The following GABPB2 variants were observed in gnomAD, a reference collection of about 807,000 sequenced individuals.
GABPB2 encodes the protein GA binding protein transcription factor subunit beta 2, also known as GA-binding protein subunit beta-2.
GABPB2 carries 23 observed loss-of-function variants against 39.1 expected under a neutral mutation model. The ratio of observed to expected loss-of-function variants is 0.59; its 90% CI spans 0.42 to 0.83. The LOEUF is 0.83. GABPB2 is among the 40% of genes least tolerant of loss of function. The pLI, the probability that GABPB2 is intolerant of heterozygous loss-of-function variation, is 0.00. For missense variants in GABPB2, 467 were observed against 541.1 expected (o/e 0.86, Z 1.36); for synonymous variants, 184 against 199.3 (o/e 0.92, Z 0.65).
chr1:151,112,773 ATTT>A (rs903752893), intron 7 of GABPB2: 3 of 158,564 alleles, frequency 1.9e-5, no homozygotes, highest in African/African-American at 7.4e-5. Context: ...GAGCTCCCGA[ATTT>A]TTTTTTTCTT....
chr1:151,109,319 C>CACAAATATATATAT (rs1680202623), intron 7 of GABPB2, among the ~76,000 whole-genome samples: 7 of 52,174 alleles, frequency 1.3e-4, no homozygotes, highest in African/African-American at 4.2e-4. Context: ...TATATATATA[C>CACAAATATATATAT]ACACAAATAT....
At position 151,103,599 on chromosome 1, in the gene GABPB2, T is replaced by C; in HGVS notation, c.660T>C (p.Ser220=). 1.2e-6 allele frequency: 2 copies of C among 1,614,166 alleles called. No individual in the cohort carries two copies. Among genetic ancestry groups the C allele is most frequent in the Non-Finnish European group, 1.7e-6 (2 of 1,180,008 alleles). The change falls in exon 6 of 9, where the codon TCT becomes TCC. Residue 220 remains serine, a synonymous_variant. Coordinates refer to ENST00000368918, the MANE Select transcript of GABPB2 (RefSeq NM_144618.3). ...PHASTVQFSN[S]TTSVLATLAA... is the part of the protein sequence containing the mutation. ...CCTCAACAGTACAGTTTTCAAATTC[T>C]ACCACCTCAGTGCTGGCTACCCTTG...
rs587745896 is a variant in GABPB2, at chr1:151,105,422, A to G, written c.737-1615A>G. Reference sequence around the variant, plus strand: ...TATCAAATGTATATCAAATATATATACAAATATATATATCAAATATATATA... The same window carrying G: ...TATCAAATGTATATCAAATATATATGCAAATATATATATCAAATATATATA... On this transcript the variant is annotated intron_variant, in intron 6 of 8. Coordinates refer to ENST00000368918, the MANE Select transcript of GABPB2 (RefSeq NM_144618.3). Among the ~76,000 whole-genome samples the G allele has an allele frequency of 2.7e-5, 4 of 148,582 alleles. No homozygotes were observed. The East Asian group carries it at 5.8e-4, about 22-fold the overall frequency.
intron 7 of GABPB2, among the ~76,000 whole-genome samples, chr1:151,109,812 G>C (rs1479581076): frequency 6.6e-6 from 1 of 151,426 alleles, no homozygotes; most frequent in Non-Finnish European, 1.5e-5. Context: ...TGGGACTACA[G>C]GCATGCACCA....
intron 1 of GABPB2, among the ~76,000 whole-genome samples, chr1:151,076,291 T>C (rs1426341541): frequency 1.3e-5 from 2 of 152,188 alleles, no homozygotes; most frequent in Admixed American, 1.3e-4. Flanking sequence ...ATTAGAATAT[T>C]GATCCAGATT....
intron 7 of GABPB2, among the ~76,000 whole-genome samples, chr1:151,107,805 G>A (rs150543320): frequency 2.6e-5 from 4 of 151,958 alleles, no homozygotes; most frequent in Non-Finnish European, 4.4e-5. Flanking sequence ...GCATGGTGGC[G>A]CACGCCTATA....
chr1:151,076,858 A>G (rs1677211306), intron 1 of GABPB2, among the ~76,000 whole-genome samples: 2 of 149,732 alleles, frequency 1.3e-5, no homozygotes, highest in South Asian at 2.1e-4. Context: ...CAGTGGCGCA[A>G]TCTCGGCTCA....
At chr1:151,093,434 G>A in intron 4 of GABPB2, 48 bp downstream of exon 4, 2 of 1,434,590 alleles carry the variant, frequency 1.4e-6, no homozygotes, top group Non-Finnish European at 1.9e-6. Flanking sequence ...TTGAAGTTAA[G>A]GATTTTTTTG....
chr1:151,107,012 T>G lies in GABPB2; in HGVS notation c.737-25T>G. ...CCTATGTTTTTAAAAAGCTGAAATTTTAAATTTGCTTTTGTCATCTCTAGC... is the reference window on the plus strand; with the variant it reads ...CCTATGTTTTTAAAAAGCTGAAATTGTAAATTTGCTTTTGTCATCTCTAGC... On this transcript the variant is annotated intron_variant, in intron 6 of 8. Coordinates refer to ENST00000368918, the MANE Select transcript of GABPB2 (RefSeq NM_144618.3). 1.3e-6 allele frequency: 2 copies of G among 1,537,408 alleles called. 1 individual carries two copies. The highest frequency in any genetic ancestry group is 3.5e-4 in the Middle Eastern group (2 of 5,746).
chr1:151,107,018 T>G lies in GABPB2; in HGVS notation c.737-19T>G. On this transcript the variant is annotated intron_variant, in intron 6 of 8. Transcript: ENST00000368918. ...TTTTTAAAAAGCTGAAATTTTAAAT[T>G]TGCTTTTGTCATCTCTAGCCAATAC... The G allele has an allele frequency of 6.5e-7, 1 of 1,546,310 alleles. No individual in the cohort carries two copies. The highest frequency in any genetic ancestry group is 1.7e-4 in the Middle Eastern group (1 of 5,772).
At chr1:151,101,745 A>C (rs971508495) in intron 5 of GABPB2, among the ~76,000 whole-genome samples, 2 of 152,160 alleles carry the variant, frequency 1.3e-5, no homozygotes, top group Admixed American at 6.6e-5. Flanking sequence ...GTAGATTCGG[A>C]ACTGAGAGGC....
At position 151,117,404 on chromosome 1, in the gene GABPB2, C is replaced by G. The variant is rs201724065; in HGVS notation, c.935C>G (p.Pro312Arg). 5 of 1,613,728 alleles carry G rather than the reference C, an allele frequency of 3.1e-6. No individual in the cohort carries two copies. The East Asian group carries it at 6.7e-5, about 22-fold the overall frequency. ...CTTTGACTTGTAGTTCTAACTGTAC[C>G]TGCTGGTAAGGTTGCAGAGGAGACT... Reference protein sequence around the residue: ...VQDGQQVLTVPAGKVAEETVI... With the variant: ...VQDGQQVLTVRAGKVAEETVI... Residue 312 changes from proline to arginine, a missense_variant, in exon 8 of 9, where the codon CCT (proline) becomes CGT (arginine). Coordinates refer to ENST00000368918, the MANE Select transcript of GABPB2 (RefSeq NM_144618.3).
chr1:151,097,598 A>C (rs1679188693), intron 4 of GABPB2, among the ~76,000 whole-genome samples: 2 of 151,994 alleles, frequency 1.3e-5, no homozygotes, highest in African/African-American at 4.8e-5. Flanking sequence ...CTTGGGCAAC[A>C]TGGCAAAACC....
At position 151,098,001 on chromosome 1, in the gene GABPB2, A is replaced by G. The variant is rs368996122; in HGVS notation, c.621A>G (p.Ser207=). 2 of 1,613,830 alleles carry G rather than the reference A, an allele frequency of 1.2e-6. No individual in the cohort carries two copies. The highest frequency in any genetic ancestry group is 1.3e-5 in the African/African-American group (1 of 74,916). Residue 207 remains serine (S), a splice_region_variant and synonymous_variant, in exon 5 of 9, where the codon TCA becomes TCG. Transcript: ENST00000368918. ...CTTCAACCAACACCAAAACAACCTCAGGTAATGTTCTGATAACATGAAATT... is the reference window on the plus strand; with the variant it reads ...CTTCAACCAACACCAAAACAACCTCGGGTAATGTTCTGATAACATGAAATT... ...LISSTNTKTT[S]GDPHASTVQF...
chr1:151,112,283 G>C (rs1680511314), intron 7 of GABPB2: 1 of 149,140 alleles, frequency 6.7e-6, no homozygotes, highest in South Asian at 2.1e-4. Flanking sequence ...AAGGCTGACG[G>C]TATATATTGA....
intron 7 of GABPB2, 38 bp from the exon 8 acceptor site, chr1:151,117,354 G>A: frequency 6.3e-7 from 1 of 1,595,190 alleles, no homozygotes; most frequent in Non-Finnish European, 8.5e-7. Flanking sequence ...GTTTTATTAT[G>A]CATTCATCAC....
rs1003055267 is a variant in GABPB2, at chr1:151,123,492, G to A, written c.*5236G>A. 6.6e-6 allele frequency: 1 copy of A among 150,996 alleles called. No individual in the cohort carries two copies. The highest frequency in any genetic ancestry group is 1.5e-5 in the Non-Finnish European group (1 of 67,888). The allele number at this position is 150,996 out of a possible 1,614,324, so 9.4% of individuals were successfully genotyped here. ...AAAAGAAGGAAAGAAAGAAAAAACAGACAAATGGATCAGAATTGGTGCTTG... is the reference window on the plus strand; with the variant it reads ...AAAAGAAGGAAAGAAAGAAAAAACAAACAAATGGATCAGAATTGGTGCTTG... On this transcript the variant is annotated 3_prime_UTR_variant, in exon 9 of 9. Coordinates refer to ENST00000368918, the MANE Select transcript of GABPB2 (RefSeq NM_144618.3).
At chr1:151,114,151 G>A (rs1680674074) in intron 7 of GABPB2, among the ~76,000 whole-genome samples, 1 of 151,418 alleles carries the variant, frequency 6.6e-6, no homozygotes, top group South Asian at 2.1e-4. Context: ...TTTGAAATCA[G>A]CCTGGACGAT....
chr1:151,081,438 G>A (rs979722515), intron 1 of GABPB2, among the ~76,000 whole-genome samples: 5 of 152,068 alleles, frequency 3.3e-5, no homozygotes, highest in South Asian at 2.1e-4. Context: ...GCAGTGAACC[G>A]AGATTGTGTC....
Sources: gnomAD v4.1 joint callset for allele counts (sites outside exome capture counted in the v4.1 genomes callset) on GRCh38, gnomAD v4.1.1 for gene constraint, MANE v1.5 for transcripts, NCBI Gene and HGNC (gene_info 2026-07-23, HGNC 2026-07-21) for gene names.